UNC13D: variants seen among roughly 807,000 people sequenced by gnomAD.
UNC13D encodes the protein unc-13 homolog D.
A neutral mutation model predicts 151.7 loss-of-function variants in UNC13D; 115 were observed. The observed-to-expected ratio is 0.76, with a 90% CI of 0.65 to 0.88. The LOEUF (loss-of-function observed/expected upper bound fraction) is 0.88. Ranked by LOEUF, UNC13D falls within the 40% of genes least tolerant of loss-of-function variation. UNC13D has a pLI of 0.00. For synonymous variants in UNC13D, 588 were observed against 612.2 expected, an observed-to-expected ratio of 0.96 and a Z score of 0.58; for missense variants, 1,369 against 1,438.7, an observed-to-expected ratio of 0.95 and a Z score of 0.78.
intron 5 of UNC13D, 102 bp from the exon 6 acceptor site, chr17:75,842,715 G>C: frequency 6.3e-7 from 1 of 1,599,024 alleles, no homozygotes; most frequent in Non-Finnish European, 8.5e-7. Context: ...CCGGGGGAGA[G>C]GGAAGGGGAC....
intron 27 of UNC13D, 79 bp from the exon 28 acceptor site, chr17:75,830,740 G>A: frequency 1.3e-6 from 2 of 1,486,996 alleles, no homozygotes; most frequent in Non-Finnish European, 9.2e-7. Context: ...GGAGCTCACT[G>A]TCAAGGGTAA....
In UNC13D at chr17:75,834,651, T is replaced by A. The variant is rs1555601287; in HGVS notation, c.2058A>T (p.Ser686=). The A allele has an allele frequency of 6.2e-7, 1 of 1,613,710 alleles. No individual in the cohort carries two copies. Among genetic ancestry groups the A allele is most frequent in the East Asian group, 2.2e-5 (1 of 44,880 alleles). ...CTGCCTGGCCTTGGTCCTTCTGGCC[T>A]GAAGAGAGCTCGCGGGCCCGGGCCT... ...LIKARARELS[S]GQKDQGQAAN... is the part of the protein sequence containing the mutation. The change falls in exon 22 of 32, where the codon TCA becomes TCT. Residue 686 remains serine (S), a synonymous_variant. Coordinates refer to ENST00000207549, the MANE Select transcript of UNC13D (RefSeq NM_199242.3).
At position 75,834,132 on chromosome 17, in the gene UNC13D, G is replaced by A; in HGVS notation, c.2310C>T (p.Gly770=). 6.2e-7 allele frequency: 1 copy of A among 1,613,812 alleles called. No homozygotes were observed. The highest frequency in any genetic ancestry group is 1.1e-5 in the South Asian group (1 of 91,084). ...CCAGTTTCTGGATGTGCTTGGCGAT[G>A]CCCACCTCCAACTGGAGACACAAAA... is the stretch of plus-strand genomic sequence containing the variant. ...VRTLAEQLEV[G]IAKHIQKLVG... Residue 770 remains glycine (G), a synonymous_variant, in exon 24 of 32, where the codon GGC becomes GGT. Coordinates refer to ENST00000207549, the MANE Select transcript of UNC13D (RefSeq NM_199242.3).
In UNC13D at chr17:75,836,574, G is replaced by A; in HGVS notation, c.1296C>T (p.Leu432=). 5 of 1,613,688 alleles carry A rather than the reference G, an allele frequency of 3.1e-6. No individual in the cohort carries two copies. Among genetic ancestry groups the A allele is most frequent in the African/African-American group, 1.3e-5 (1 of 75,066 alleles). Residue 432 remains leucine, a splice_region_variant and synonymous_variant, in exon 14 of 32, where the codon CTC becomes CTT. Transcript: ENST00000207549. ...GGAAGAGGAAGGCAGCCACTGACCT[G>A]AGAAGAGACTGCAGCCGGGCTGGGG... ...SDSPARLQSL[L]RVLVQMCKMK...
rs143305366 is a variant in UNC13D, at chr17:75,835,767, C to A, written c.1607G>T (p.Arg536Leu). The A allele has an allele frequency of 2.7e-5, 44 of 1,613,950 alleles. No individual in the cohort carries two copies. The East Asian group carries it at 5.8e-4, about 21-fold the overall frequency. Residue 536 changes from arginine (R) to leucine (L), a missense_variant, in exon 19 of 32, where the codon CGG becomes CTG. Arg to Leu is a moderately radical substitution (Grantham distance 102). Around this residue, in one of 3 missense-constraint regions of UNC13D, gnomAD observed 807 missense variants for 795.5 expected, o/e 1.01. Transcript: ENST00000207549. Reference protein sequence around the residue: ...FRELQWLVAKRVQDHTTVVGD... With the variant: ...FRELQWLVAKLVQDHTTVVGD... ...CACAACCGTCGTGTGGTCCTGCACC[C>A]GCTTGGCCACCTGCAAAGGAAAGGT...
At chr17:75,844,038 G>A (rs1019960493) in intron 1 of UNC13D, 183 bp downstream of exon 1, 108 of 1,437,248 alleles carry the variant, frequency 7.5e-5, no homozygotes, top group Non-Finnish European at 9.2e-5. Context: ...CAGTGGCCCA[G>A]AGTCCATCTG....
chr17:75,836,260 T>C lies in UNC13D; in HGVS notation c.1390-4A>G, dbSNP rs1023282165. On this transcript the variant is annotated splice_polypyrimidine_tract_variant and splice_region_variant and intron_variant, in intron 15 of 31. Coordinates refer to ENST00000207549, the MANE Select transcript of UNC13D (RefSeq NM_199242.3). ...GGAACCATTCAGTGGTGCCAGTCTG[T>C]CGACAAAGAGGCAGTGAGCAGGGAG... 6.2e-7 allele frequency: 1 copy of C among 1,612,716 alleles called. No homozygotes were observed. The highest frequency in any genetic ancestry group is 2.2e-5 in the East Asian group (1 of 44,854).
In UNC13D at chr17:75,830,287, G is replaced by A. The variant is rs957679067; in HGVS notation, c.2830+75C>T. ...CACCCAGAGCTCCTGCAGGGTGAGC[G>A]AAGCCCCCAGGGTCGCTGAGACAGG... On this transcript the variant is annotated intron_variant, in intron 29 of 31. Transcript: ENST00000207549. 19 of 1,567,552 alleles carry A rather than the reference G, an allele frequency of 1.2e-5. 1 individual carries two copies. The highest frequency in any genetic ancestry group is 2.3e-4 in the Middle Eastern group (1 of 4,404).
Position 75,840,405 on chromosome 17 carries a change from AC to A in UNC13D, c.754-77del. 1 of 1,606,488 alleles carries A rather than the reference AC, an allele frequency of 6.2e-7. No homozygotes were observed. Among genetic ancestry groups the A allele is most frequent in the Non-Finnish European group, 8.5e-7 (1 of 1,174,340 alleles). Reference sequence around the variant, plus strand: ...GGGCAGCGGAGGCGACAGGAGGTGGACCCCAGGCTCAGCTTTGTGAGGACAC... The same window carrying A: ...GGGCAGCGGAGGCGACAGGAGGTGGACCCAGGCTCAGCTTTGTGAGGACAC... On this transcript the variant is annotated intron_variant, in intron 9 of 31. Transcript: ENST00000207549. This position sits in a 1 kb window ranked among gnomAD's most constrained non-coding sequence, Gnocchi z 4.6.
At chr17:75,836,453 C>T (rs1599409160) in intron 14 of UNC13D, 24 bp from the exon 15 acceptor site, 2 of 1,612,018 alleles carry the variant, frequency 1.2e-6, no homozygotes, top group Non-Finnish European at 8.5e-7. Flanking sequence ...AGAGCTGTGT[C>T]GAAAGTGCCT....
At position 75,840,153 on chromosome 17, in the gene UNC13D, T is replaced by C; in HGVS notation, c.859-43A>G. The C allele has an allele frequency of 6.2e-7, 1 of 1,611,754 alleles. No homozygotes were observed. Among genetic ancestry groups the C allele is most frequent in the Non-Finnish European group, 8.5e-7 (1 of 1,179,138 alleles). ...TGAGCAGACAGGGCCTCACACTGGG[T>C]GCAGCCAGCCCCGCAACCCAGCAGA... On this transcript the variant is annotated intron_variant, in intron 10 of 31. Coordinates refer to ENST00000207549, the MANE Select transcript of UNC13D (RefSeq NM_199242.3). This position sits in a 1 kb window ranked among gnomAD's most constrained non-coding sequence, Gnocchi z 4.6.
In UNC13D at chr17:75,841,346, T is replaced by A. The variant is rs183354703; in HGVS notation, c.570-345A>T. ...TTTTAGTAGAGACGGGGTTTCACTG[T>A]GTTGGCCACACTGGTCTTGAGCTTC... On this transcript the variant is annotated intron_variant, in intron 6 of 31. Coordinates refer to ENST00000207549, the MANE Select transcript of UNC13D (RefSeq NM_199242.3). Among the ~76,000 whole-genome samples the A allele has an allele frequency of 8.3e-3, 1,261 of 151,756 alleles. 5 individuals carry two copies. Among genetic ancestry groups the A allele is most frequent in the Non-Finnish European group, 0.014 (940 of 67,922 alleles).
rs750548560 is a variant in UNC13D at position 75,834,065 on chromosome 17, G to A, written c.2367+10C>T. The A allele has an allele frequency of 1.9e-6, 3 of 1,613,450 alleles. No individual in the cohort carries two copies. Among genetic ancestry groups the A allele is most frequent in the African/African-American group, 1.3e-5 (1 of 74,912 alleles). ...GGTGGTGAAGGCCAGCAGGCAGAAG[G>A]GCCACTTACATCCTCAGGCAGGACA... On this transcript the variant is annotated intron_variant, in intron 24 of 31. Coordinates refer to ENST00000207549, the MANE Select transcript of UNC13D (RefSeq NM_199242.3).
Position 75,844,264 on chromosome 17 carries a change from C to T in UNC13D, c.74G>A (p.Arg25Lys), listed in dbSNP as rs1013790378. ...CGGGGGATCCTGTAGATCTCTGACTCTGCGGCGCCTTATCTTGATGGCCTG... is the reference window on the plus strand; with the variant it reads ...CGGGGGATCCTGTAGATCTCTGACTTTGCGGCGCCTTATCTTGATGGCCTG... ...LRQAIKIRRR[R>K]VRDLQDPPPQ... The change falls in exon 1 of 32, where the codon AGA (arginine) becomes AAA (lysine). Residue 25 changes from arginine to lysine, a missense_variant. Physicochemically the swap from Arg to Lys is conservative, Grantham distance 26. Coordinates refer to ENST00000207549, the MANE Select transcript of UNC13D (RefSeq NM_199242.3). The T allele has an allele frequency of 6.2e-7, 1 of 1,612,730 alleles. No individual in the cohort carries two copies. The highest frequency in any genetic ancestry group is 8.5e-7 in the Non-Finnish European group (1 of 1,179,948).
In UNC13D at chr17:75,830,644, C is replaced by G; in HGVS notation, c.2643G>C (p.Leu881=). The G allele has an allele frequency of 6.4e-7, 1 of 1,554,882 alleles. No individual in the cohort carries two copies. The highest frequency in any genetic ancestry group is 8.7e-7 in the Non-Finnish European group (1 of 1,149,468). Residue 881 remains leucine (L), a synonymous_variant, in exon 28 of 32, where the codon CTG becomes CTC. Transcript: ENST00000207549. The part of the protein sequence containing the change: ...TATFQALQRD[L]ELQAASSREL... Reference sequence around the variant, plus strand: ...CCCGGCTGGAGGCCGCCTGCAGCTCCAGGTCCCTCTGCAGAGCCTGGGAAC... The same window carrying G: ...CCCGGCTGGAGGCCGCCTGCAGCTCGAGGTCCCTCTGCAGAGCCTGGGAAC...
rs778971390 is a variant in UNC13D at position 75,836,613 on chromosome 17, G to A, written c.1257C>T (p.Leu419=). The change falls in exon 14 of 32, where the codon CTC becomes CTT. Residue 419 remains leucine, a synonymous_variant. Coordinates refer to ENST00000207549, the MANE Select transcript of UNC13D (RefSeq NM_199242.3). ...LIRRFRSVFP[L]SVSDSPARLQ... ...GCCGGGCTGGGGAGTCCGAGACAGA[G>A]AGGGGGAAGACAGAGCGGAACCTCC... The A allele has an allele frequency of 7.4e-6, 12 of 1,613,848 alleles. No homozygotes were observed. The highest frequency in any genetic ancestry group is 1.1e-5 in the South Asian group (1 of 91,086).
At chr17:75,838,283 A>G (rs2064922511) in intron 12 of UNC13D, among the ~76,000 whole-genome samples, 1 of 147,896 alleles carries the variant, frequency 6.8e-6, no homozygotes, top group African/African-American at 2.5e-5. Flanking sequence ...CAGTGGTGTG[A>G]TCTCAGGTCA....
Position 75,829,992 on chromosome 17 carries a change from A to AG in UNC13D, c.2954+35dup, listed in dbSNP as rs752611933. 2.9e-5 allele frequency: 46 copies of AG among 1,565,244 alleles called. No individual in the cohort carries two copies. In the African/African-American group the frequency reaches 4.0e-4, roughly 14 times the overall value. On this transcript the variant is annotated intron_variant, in intron 30 of 31. Coordinates refer to ENST00000207549, the MANE Select transcript of UNC13D (RefSeq NM_199242.3). ...TGAGGGAGCCCAGTGGGGAGAGATG[A>AG]GGGGAGGGACTGGGAGAAGAACGGG...
Position 75,832,752 on chromosome 17 carries a change from T to C in UNC13D, c.2447+214A>G, listed in dbSNP as rs1342559928. 3.8e-6 allele frequency: 2 copies of C among 532,594 alleles called. No individual in the cohort carries two copies. Among genetic ancestry groups the C allele is most frequent in the African/African-American group, 1.9e-5 (1 of 52,412 alleles). The allele number at this position is 532,594 out of a possible 1,614,324, so 33.0% of individuals were successfully genotyped here. A position where few individuals can be genotyped will look rare whatever the true frequency, so the allele number is the denominator to read the frequency against. The stretch of plus-strand genomic sequence containing the variant: ...GCCTTAGCAGAGCCTGTTGCACCCA[T>C]AAGGGAGGTCACCAAAGGGATTCAC... On this transcript the variant is annotated intron_variant, in intron 25 of 31. Coordinates refer to ENST00000207549, the MANE Select transcript of UNC13D (RefSeq NM_199242.3). The surrounding 1 kb of genome is among the most constrained non-coding windows in gnomAD (Gnocchi z 4.3).
Sources: gnomAD v4.1 joint callset for allele counts (sites outside exome capture counted in the v4.1 genomes callset) on GRCh38, gnomAD v4.1.1 for gene constraint, gnomAD v4.1.1 regional missense constraint, Gnocchi (gnomAD v3.1) non-coding constraint, MANE v1.5 for transcripts, NCBI Gene and HGNC (gene_info 2026-07-23, HGNC 2026-07-21) for gene names.